KDM2B: variants seen among roughly 807,000 people sequenced by gnomAD.
KDM2B encodes the protein lysine-specific demethylase 2B.
A neutral mutation model predicts 150.0 loss-of-function variants in KDM2B; 26 were observed. That is an observed-to-expected ratio of 0.17 (90% CI 0.13 to 0.24). The LOEUF is 0.24. KDM2B is among the 10% of genes least tolerant of loss of function. The pLI is 1.00. For synonymous variants in KDM2B, 734 were observed against 729.5 expected (o/e 1.01, Z -0.10); for missense variants, 1,265 against 1,816.9 (o/e 0.70, Z 5.52).
chr12:121,455,430 C>T (rs908479588), intron 12 of KDM2B, among the ~76,000 whole-genome samples: 2 of 152,194 alleles, frequency 1.3e-5, no homozygotes, highest in Non-Finnish European at 2.9e-5. Flanking sequence ...CAGCAAAGGG[C>T]GCCAGGAACG....
rs980774644 is a variant in KDM2B at position 121,443,105 on chromosome 12, A to C, written c.2566-75T>G. ...TTTGGTCTCCTCGACACCCCACCCC[A>C]CCACGAGTCCACAGTCTCCAGAGGA... On this transcript the variant is annotated intron_variant, in intron 17 of 22. Transcript: ENST00000377071. The C allele has an allele frequency of 7.8e-6, 11 of 1,406,854 alleles. No individual in the cohort carries two copies. The South Asian group carries it at 1.2e-4, about 16-fold the overall frequency. The allele number at this position is 1,406,854 out of a possible 1,614,324, so 87.1% of individuals were successfully genotyped here.
At chr12:121,560,330 G>C (rs1475224636) in intron 4 of KDM2B, among the ~76,000 whole-genome samples, 2 of 152,180 alleles carry the variant, frequency 1.3e-5, no homozygotes, top group Admixed American at 6.5e-5. Flanking sequence ...CCAGAACTCA[G>C]TTGCCTTGTG....
At chr12:121,478,830 G>T (rs1881699376) in intron 12 of KDM2B, among the ~76,000 whole-genome samples, 1 of 147,488 alleles carries the variant, frequency 6.8e-6, no homozygotes, top group African/African-American at 2.5e-5. Context: ...TGCGACTACA[G>T]GCACGTACCA....
chr12:121,426,669 A>C (rs1872530425), downstream of KDM2B, among the ~76,000 whole-genome samples: 1 of 137,036 alleles, frequency 7.3e-6, no homozygotes, highest in African/African-American at 2.8e-5. Context: ...TCTGTTGCCC[A>C]GGCTGAAGTT....
intron 6 of KDM2B, among the ~76,000 whole-genome samples, chr12:121,539,553 T>C (rs1355608928): frequency 2.0e-5 from 3 of 152,052 alleles, no homozygotes; most frequent in Non-Finnish European, 4.4e-5. Flanking sequence ...CTCTGTGACA[T>C]TGGACTGATC....
chr12:121,476,351 G>A (rs1566313623), intron 12 of KDM2B, among the ~76,000 whole-genome samples: 1 of 152,062 alleles, frequency 6.6e-6, no homozygotes, highest in Non-Finnish European at 1.5e-5. Flanking sequence ...AGCTATTTGG[G>A]AGGCTGAAGT....
chr12:121,455,773 C>T (rs1878138462), intron 12 of KDM2B, among the ~76,000 whole-genome samples: 1 of 152,200 alleles, frequency 6.6e-6, no homozygotes, highest in African/African-American at 2.4e-5. Context: ...TCGCATAGTC[C>T]CACTGCGATT....
the KDM2B span, among the ~76,000 whole-genome samples, chr12:121,413,414 C>CCTTTTTTTTTT: frequency 1.0e-5 from 1 of 96,698 alleles, no homozygotes; most frequent in East Asian, 3.9e-4. Flanking sequence ...TTTTACCTGT[C>CCTTTTTTTTTT]CTTTTTTTTT....
chr12:121,417,432 A>C, the KDM2B span: 316 of 1,339,258 alleles, frequency 2.4e-4, 1 homozygote, highest in East Asian at 6.3e-3. The surrounding 1 kb of genome is among the most constrained non-coding windows in gnomAD (Gnocchi z 5.0). Context: ...ATTTTAGTAG[A>C]AGGCAGAAAG....
downstream of KDM2B, among the ~76,000 whole-genome samples, chr12:121,425,573 T>C (rs1872472228): frequency 7.4e-6 from 1 of 135,048 alleles, no homozygotes; most frequent in African/African-American, 2.4e-5. Context: ...CCCTGTGCTT[T>C]GGGCAGAAAG....
At chr12:121,488,418 C>G (rs1450598553) in intron 12 of KDM2B, among the ~76,000 whole-genome samples, 1 of 152,134 alleles carries the variant, frequency 6.6e-6, no homozygotes, top group Non-Finnish European at 1.5e-5. Flanking sequence ...ATTTTACAGA[C>G]AGCATCTCAC....
intron 12 of KDM2B, among the ~76,000 whole-genome samples, chr12:121,459,352 C>T (rs2139105215): frequency 6.6e-6 from 1 of 152,252 alleles, no homozygotes; most frequent in African/African-American, 2.4e-5. Context: ...TAGACCCCTA[C>T]CTCACACCAC....
chr12:121,538,205 C>A (rs980258271), intron 6 of KDM2B, among the ~76,000 whole-genome samples: 11 of 152,040 alleles, frequency 7.2e-5, no homozygotes, highest in Admixed American at 2.0e-4. Flanking sequence ...GCAACGCGGG[C>A]CGGCGCCAGG....
Position 121,549,731 on chromosome 12 carries a change from AC to A in KDM2B, c.398-94del. Reference sequence around the variant, plus strand: ...CTCACTAAACAAAAGCTGCTCCTCCACGTTTCCCCACAGTCCTCACCCCTCT... The same window carrying A: ...CTCACTAAACAAAAGCTGCTCCTCCAGTTTCCCCACAGTCCTCACCCCTCT... On this transcript the variant is annotated intron_variant, in intron 4 of 22. Transcript: ENST00000377071. The surrounding 1 kb of genome is among the most constrained non-coding windows in gnomAD (Gnocchi z 4.4). 8.7e-7 allele frequency: 1 copy of A among 1,153,842 alleles called. No homozygotes were observed. Among genetic ancestry groups the A allele is most frequent in the Non-Finnish European group, 1.2e-6 (1 of 821,306 alleles). 71.5% of individuals were successfully genotyped at this position (1,153,842 alleles called of 1,614,324 possible).
At chr12:121,443,562 G>T in intron 17 of KDM2B, 118 bp downstream of exon 17, 1 of 708,296 alleles carries the variant, frequency 1.4e-6, no homozygotes, top group South Asian at 1.5e-5. Flanking sequence ...CTGGGGCCGA[G>T]ACCTGGGAAG....
intron 10 of KDM2B, among the ~76,000 whole-genome samples, chr12:121,510,933 G>A (rs996912143): frequency 3.9e-5 from 6 of 151,936 alleles, no homozygotes; most frequent in Non-Finnish European, 7.4e-5. Flanking sequence ...ATGAGTAGTT[G>A]CCTAGGGCTG....
chr12:121,431,295 C>CTTTTT (rs71453557), intron 22 of KDM2B, among the ~76,000 whole-genome samples: 9 of 98,956 alleles, frequency 9.1e-5, no homozygotes, highest in African/African-American at 2.8e-4. Context: ...CCATGTGCAA[C>CTTTTT]TTTTTTTTTT....
intron 6 of KDM2B, among the ~76,000 whole-genome samples, chr12:121,536,465 C>T (rs1359341270): frequency 6.6e-6 from 1 of 152,212 alleles, no homozygotes; most frequent in African/African-American, 2.4e-5. Context: ...GGGCTCCACA[C>T]CGTCCTCACC....
downstream of KDM2B, among the ~76,000 whole-genome samples, chr12:121,427,057 T>C (rs115187983): frequency 0.035 from 5,289 of 152,282 alleles, 296 homozygotes; most frequent in African/African-American, 0.12. Flanking sequence ...GTGTCTTCCT[T>C]TGTAAACATC....
Sources: gnomAD v4.1 joint callset for allele counts (sites outside exome capture counted in the v4.1 genomes callset) on GRCh38, gnomAD v4.1.1 for gene constraint, Gnocchi (gnomAD v3.1) non-coding constraint, MANE v1.5 for transcripts, NCBI Gene and HGNC (gene_info 2026-07-23, HGNC 2026-07-21) for gene names.